The following RAB43 variants were observed in gnomAD, a reference collection of about 807,000 sequenced individuals.
The protein encoded by RAB43 is ras-related protein Rab-43.
RAB43 carries 6 observed loss-of-function variants against 18.8 expected under a neutral mutation model. The ratio of observed to expected loss-of-function variants is 0.32; its 90% confidence interval spans 0.17 to 0.63. The LOEUF (loss-of-function observed/expected upper bound fraction) is 0.63. Ranked by LOEUF, RAB43 falls within the 30% of genes least tolerant of loss-of-function variation. The probability of loss-of-function intolerance (pLI) is 0.79; values close to 1 mark genes in which losing one functional copy is unlikely to be tolerated. For missense variants in RAB43, 195 were observed against 289.1 expected (o/e 0.67, Z 2.36); for synonymous variants, 103 against 124.1 (o/e 0.83, Z 1.13).
Position 129,095,066 on chromosome 3 carries a change from C to T in RAB43, c.308G>A (p.Arg103Lys). 6.2e-7 allele frequency: 1 copy of T among 1,614,076 alleles called. No homozygotes were observed. Among genetic ancestry groups the T allele is most frequent in the Non-Finnish European group, 8.5e-7 (1 of 1,179,954 alleles). The change falls in exon 2 of 3, where the codon AGG becomes AAG. Residue 103 changes from arginine to lysine, a missense_variant. Physicochemically the swap from Arg to Lys is conservative, Grantham distance 26 (BLOSUM62 2). Transcript: ENST00000315150. The surrounding 1 kb of genome is among the most constrained non-coding windows in gnomAD (Gnocchi z 4.2). ...GTGAGGCACCGACAGGAAGGAGCTC[C>T]TCTTGGTGATGTCGTAGGCAAGGAT... The part of the protein sequence containing the change: ...GAILAYDITK[R>K]SSFLSVPHWI...
chr3:129,091,329 T>C lies in RAB43; in HGVS notation c.406A>G (p.Ser136Gly), dbSNP rs766826549. ...QLLIGNKSDLSELREVSLAEA... is the reference protein window; with the variant it reads ...QLLIGNKSDLGELREVSLAEA... Reference sequence around the variant, plus strand: ...GCCAAGGAGACCTCCCGAAGCTCGCTGAGGTCTGACTTGTTCCCTGCGGAG... The same window carrying C: ...GCCAAGGAGACCTCCCGAAGCTCGCCGAGGTCTGACTTGTTCCCTGCGGAG... Residue 136 changes from serine to glycine, a missense_variant, in exon 3 of 3, where the codon AGC (serine) becomes GGC (glycine). Ser to Gly is a moderately conservative substitution (Grantham distance 56). Coordinates refer to ENST00000315150, the MANE Select transcript of RAB43 (RefSeq NM_198490.3). 1 of 1,606,372 alleles carries C rather than the reference T, an allele frequency of 6.2e-7. No individual in the cohort carries two copies. The highest frequency in any genetic ancestry group is 1.1e-5 in the South Asian group (1 of 89,758).
intron 2 of RAB43, 83 bp downstream of exon 2, chr3:129,094,903 G>C: frequency 6.5e-7 from 1 of 1,532,028 alleles, no homozygotes; most frequent in East Asian, 2.3e-5. Context: ...CTGAACTCAG[G>C]GTTACACTGT....
At chr3:129,121,139 G>C (rs1315191534) in intron 1 of RAB43, 147 bp downstream of exon 1, 16 of 587,430 alleles carry the variant, frequency 2.7e-5, no homozygotes, top group Non-Finnish European at 4.3e-5. Context: ...CCGGGGCCCA[G>C]GCCTGCTCCG....
chr3:129,092,271 T>A (rs4432661), intron 2 of RAB43, among the ~76,000 whole-genome samples: 5,340 of 152,270 alleles, frequency 0.035, 216 homozygotes, highest in East Asian at 0.11. Flanking sequence ...TATTTTTAGA[T>A]GAGAAAATAA....
At position 129,102,871 on chromosome 3, in the gene RAB43, T is replaced by G. The variant is rs560991064; in HGVS notation, c.205-7702A>C. Among the ~76,000 whole-genome samples, 293 of 152,264 alleles carry G rather than the reference T, an allele frequency of 1.9e-3. 2 individuals carry two copies. The highest frequency in any genetic ancestry group is 4.1e-3 in the South Asian group (20 of 4,822). On this transcript the variant is annotated intron_variant, in intron 1 of 2. Transcript: ENST00000315150. ...GGATGAGAGCTGAATGCCTCTGATC[T>G]GTCACTTTAACTACGTTACTTTTGA... is the stretch of plus-strand genomic sequence containing the variant.
rs75195960 is a variant in RAB43 at position 129,100,516 on chromosome 3, C to T, written c.205-5347G>A. 2.7e-3 allele frequency among the ~76,000 whole-genome samples: 408 copies of T among 152,304 alleles called. 2 individuals are homozygous for T. The highest frequency in any genetic ancestry group is 6.0e-3 in the South Asian group (29 of 4,822). ...CAATCCTTGTAGAACCAAATGACTC[C>T]TCAAACCACACACAAGTTAAGTTTG... On this transcript the variant is annotated intron_variant, in intron 1 of 2. Transcript: ENST00000315150.
intron 1 of RAB43, among the ~76,000 whole-genome samples, chr3:129,110,077 C>T (rs1935059810): frequency 6.6e-6 from 1 of 152,042 alleles, no homozygotes; most frequent in African/African-American, 2.4e-5. Context: ...GTTGCCCAGG[C>T]TAATCTCAAA....
chr3:129,113,679 A>T (rs1409771367), intron 1 of RAB43, among the ~76,000 whole-genome samples: 1 of 152,184 alleles, frequency 6.6e-6, no homozygotes, highest in Non-Finnish European at 1.5e-5. Context: ...TGGTATCTGG[A>T]TAGGAGCTAT....
At chr3:129,110,344 T>A (rs1012133446) in intron 1 of RAB43, among the ~76,000 whole-genome samples, 13 of 152,204 alleles carry the variant, frequency 8.5e-5, no homozygotes, top group Admixed American at 5.9e-4. Flanking sequence ...CCTTCTTGCC[T>A]GCCTTCATTC....
chr3:129,096,648 G>T (rs1934077398), intron 1 of RAB43, among the ~76,000 whole-genome samples: 2 of 152,142 alleles, frequency 1.3e-5, no homozygotes, highest in Admixed American at 1.3e-4. Context: ...AAGATTCATG[G>T]AACAAGGAAA....
rs762350800 is a variant in RAB43, at chr3:129,091,134, T to C, written c.601A>G (p.Ser201Gly). ...CCCCAGCCTTCTCCGATGTCCTTGC[T>C]GTTCAGCTGGATGTGGTCGGGGCTC... ...EKSPDHIQLN[S>G]KDIGEGWGCG... is the part of the protein sequence containing the mutation. The change falls in exon 3 of 3, where the codon AGC (serine) becomes GGC (glycine). Residue 201 changes from serine to glycine, a missense_variant. Transcript: ENST00000315150. 2.5e-6 allele frequency: 4 copies of C among 1,592,104 alleles called. No individual in the cohort carries two copies. The highest frequency in any genetic ancestry group is 3.5e-5 in the Admixed American group (2 of 57,080).
At position 129,099,096 on chromosome 3, in the gene RAB43, A is replaced by AT. The variant is rs768245593; in HGVS notation, c.205-3928dup. 5.5e-3 allele frequency among the ~76,000 whole-genome samples: 790 copies of AT among 143,486 alleles called. 3 individuals are homozygous for AT. Among genetic ancestry groups the AT allele is most frequent in the Middle Eastern group, 0.014 (4 of 278 alleles). The allele number at this position is 143,486 out of a possible 152,430, so 94.1% of individuals were successfully genotyped here. On this transcript the variant is annotated intron_variant, in intron 1 of 2. Transcript: ENST00000315150. ...AAAAAATATATATATGTTAAACTTAATTTTTTTTTTTTTGAGACGGAGTCT... is the reference window on the plus strand; with the variant it reads ...AAAAAATATATATATGTTAAACTTAATTTTTTTTTTTTTTGAGACGGAGTCT...
rs1934874380 is a variant in RAB43 at position 129,107,711 on chromosome 3, A to T, written c.205-12542T>A. On this transcript the variant is annotated intron_variant, in intron 1 of 2. Transcript: ENST00000315150. This position sits in a 1 kb window ranked among gnomAD's most constrained non-coding sequence, Gnocchi z 4.2. ...CCACAAGAATTCCCGTAAACCCCAC[A>T]CCTCTTTTCCCCAAATTCCTCCGCT... 6.6e-6 allele frequency among the ~76,000 whole-genome samples: 1 copy of T among 151,698 alleles called. No individual in the cohort carries two copies.
intron 1 of RAB43, among the ~76,000 whole-genome samples, chr3:129,109,119 AGT>A (rs112752902): frequency 6.6e-6 from 1 of 152,248 alleles, no homozygotes; most frequent in African/African-American, 2.4e-5. Context: ...TTAAAAAATC[AGT>A]GTCATTTGGC....
intron 1 of RAB43, among the ~76,000 whole-genome samples, chr3:129,102,179 C>T (rs1485999863): frequency 6.6e-6 from 1 of 152,248 alleles, no homozygotes; most frequent in Non-Finnish European, 1.5e-5. Flanking sequence ...GTCAAGACCA[C>T]TGCCCATGGC....
chr3:129,121,626 C>A lies in RAB43; in HGVS notation c.-137G>T. On this transcript the variant is annotated 5_prime_UTR_variant, in exon 1 of 3. Transcript: ENST00000315150. ...GGAGCCGCCGCAACACCTGAACCCC[C>A]AGCACTGCCGACCGCCTGCCTCGGC... is the stretch of plus-strand genomic sequence containing the variant. The A allele has an allele frequency of 1.6e-6, 1 of 632,134 alleles. No individual in the cohort carries two copies. The highest frequency in any genetic ancestry group is 2.5e-6 in the Non-Finnish European group (1 of 403,948). 39.2% of individuals were successfully genotyped at this position (632,134 alleles called of 1,614,324 possible).
intron 1 of RAB43, among the ~76,000 whole-genome samples, chr3:129,106,401 T>C (rs1220503508): frequency 6.6e-6 from 1 of 152,198 alleles, no homozygotes; most frequent in Non-Finnish European, 1.5e-5. Context: ...AGGTGGAGTT[T>C]GTGGGCCATG....
intron 1 of RAB43, among the ~76,000 whole-genome samples, chr3:129,096,614 T>C (rs543612665): frequency 6.6e-6 from 1 of 151,904 alleles, no homozygotes; most frequent in Non-Finnish European, 1.5e-5. Flanking sequence ...ACTCAAACAA[T>C]CGTCAATGTT....
chr3:129,115,919 T>A (rs569884907), intron 1 of RAB43, among the ~76,000 whole-genome samples: 2 of 152,356 alleles, frequency 1.3e-5, no homozygotes, highest in African/African-American at 4.8e-5. Flanking sequence ...CACGCCATCC[T>A]GCTCCGTCCC....
Sources: allele counts gnomAD v4.1 joint callset (sites outside exome capture counted in the v4.1 genomes callset), GRCh38; gene constraint gnomAD v4.1.1; non-coding constraint Gnocchi (gnomAD v3.1); transcripts MANE v1.5; gene names NCBI Gene and HGNC (gene_info 2026-07-23, HGNC 2026-07-21).